The following TACR1 variants were observed in gnomAD, a reference collection of about 807,000 sequenced individuals.
TACR1 encodes substance-P receptor.
Under a neutral mutation model 35.8 loss-of-function variants are expected in TACR1, and 25 were observed. The ratio of observed to expected loss-of-function variants is 0.70; its 90% confidence interval spans 0.51 to 0.98. TACR1 has a LOEUF of 0.98. Ranked by LOEUF, TACR1 falls within the 50% of genes least tolerant of loss-of-function variation. The pLI is 0.00. For missense variants in TACR1, 478 were observed against 522.9 expected (o/e 0.91, Z 0.84); for synonymous variants, 195 against 206.7 (o/e 0.94, Z 0.48).
intron 1 of TACR1, among the ~76,000 whole-genome samples, chr2:75,121,172 AG>A (rs1673964670): frequency 6.6e-6 from 1 of 152,242 alleles, no homozygotes; most frequent in African/African-American, 2.4e-5. Flanking sequence ...TGATCAGAAT[AG>A]TACTTTTTTT....
Position 75,051,351 on chromosome 2 carries a change from A to T in TACR1, c.832T>A (p.Tyr278Asn). The T allele has an allele frequency of 6.2e-7, 1 of 1,614,130 alleles. No individual in the cohort carries two copies. The highest frequency in any genetic ancestry group is 1.1e-5 in the South Asian group (1 of 91,080). The change falls in exon 4 of 5, where the codon TAC (tyrosine) becomes AAC (asparagine). Residue 278 changes from tyrosine to asparagine, a missense_variant. Coordinates refer to ENST00000305249, the MANE Select transcript of TACR1 (RefSeq NM_001058.4). Reference sequence around the variant, plus strand: ...ACCTGCTGGATAAACTTCTTCAGGTAGAGATCTGGGTTGATGTAGGGCAGG... The same window carrying T: ...ACCTGCTGGATAAACTTCTTCAGGTTGAGATCTGGGTTGATGTAGGGCAGG... ...FLLPYINPDL[Y>N]LKKFIQQVYL... is the part of the protein sequence containing the mutation.
rs563961822 is a variant in TACR1 at position 75,049,669 on chromosome 2, G to A, written c.987C>T (p.Gly329=). 39 of 1,613,946 alleles carry A rather than the reference G, an allele frequency of 2.4e-5. No individual in the cohort carries two copies. The highest frequency in any genetic ancestry group is 5.0e-5 in the Admixed American group (3 of 59,998). Residue 329 remains glycine (G), a synonymous_variant, in exon 5 of 5, where the codon GGC becomes GGT. Coordinates refer to ENST00000305249, the MANE Select transcript of TACR1 (RefSeq NM_001058.4). ...ATTTCATTTCCAGCCCCTCATAGTC[G>A]CCGGCGCTGATGAAGGGGCAGCACC... is the stretch of plus-strand genomic sequence containing the variant. The part of the protein sequence containing the change: ...AFRCCPFISA[G]DYEGLEMKST...
At chr2:75,171,651 C>T (rs1171791320) in intron 1 of TACR1, among the ~76,000 whole-genome samples, 2 of 152,216 alleles carry the variant, frequency 1.3e-5, no homozygotes, top group Non-Finnish European at 2.9e-5. Flanking sequence ...CAGAGCTGCC[C>T]AAGACCATGG....
intron 1 of TACR1, among the ~76,000 whole-genome samples, chr2:75,172,838 A>T (rs760545284): frequency 1.1e-4 from 16 of 152,064 alleles, no homozygotes; most frequent in Non-Finnish European, 2.1e-4. Flanking sequence ...GCAGGGAAGG[A>T]TTTATTCAGA....
rs373908973 is a variant in TACR1, at chr2:75,067,469, T to C, written c.585-13714A>G. On this transcript the variant is annotated intron_variant, in intron 2 of 4. Transcript: ENST00000305249. ...TATTTTGTACTAGGTGCTGAGGATA[T>C]AATGGTGAATAGAAACGACATGGTC... Among the ~76,000 whole-genome samples the C allele has an allele frequency of 2.6e-5, 4 of 152,132 alleles. No homozygotes were observed. In the East Asian group the frequency reaches 5.8e-4, roughly 22 times the overall value.
At chr2:75,126,926 C>A (rs1270483279) in intron 1 of TACR1, among the ~76,000 whole-genome samples, 1 of 152,160 alleles carries the variant, frequency 6.6e-6, no homozygotes, top group African/African-American at 2.4e-5. Flanking sequence ...AAATGCAAAT[C>A]AAAACCTCAC....
intron 2 of TACR1, among the ~76,000 whole-genome samples, chr2:75,095,296 C>T (rs962782100): frequency 4.6e-5 from 7 of 152,088 alleles, no homozygotes; most frequent in African/African-American, 1.7e-4. Flanking sequence ...TTTTAATTTT[C>T]GTGGCTGTAA....
chr2:75,092,500 T>C (rs927558167), intron 2 of TACR1, among the ~76,000 whole-genome samples: 1 of 152,138 alleles, frequency 6.6e-6, no homozygotes, highest in Non-Finnish European at 1.5e-5. Context: ...CTTAGAAGAA[T>C]GATTCAGAGA....
At chr2:75,113,532 C>CCTTTTTTTT (rs1673791802) in intron 2 of TACR1, among the ~76,000 whole-genome samples, 2 of 92,084 alleles carry the variant, frequency 2.2e-5, no homozygotes, top group African/African-American at 8.9e-5. Flanking sequence ...TTTCTTCTTC[C>CCTTTTTTTT]TTTTTTTTTT....
Position 75,097,358 on chromosome 2 carries a change from G to A in TACR1, c.584+23216C>T, listed in dbSNP as rs377574773. On this transcript the variant is annotated intron_variant, in intron 2 of 4. Coordinates refer to ENST00000305249, the MANE Select transcript of TACR1 (RefSeq NM_001058.4). ...GATCCTTTCCCACTCTGGGTTTTCA[G>A]CAACACCATTTCTTCATTAGTTTTT... Among the ~76,000 whole-genome samples the A allele has an allele frequency of 6.1e-5, 9 of 148,546 alleles. 1 individual carries two copies. The highest frequency in any genetic ancestry group is 2.2e-4 in the African/African-American group (9 of 40,142).
At chr2:75,172,687 C>T (rs192783108) in intron 1 of TACR1, among the ~76,000 whole-genome samples, 1 of 152,268 alleles carries the variant, frequency 6.6e-6, no homozygotes, top group Admixed American at 6.5e-5. Flanking sequence ...TGACTTGCCC[C>T]AGCATCTGCA....
chr2:75,100,111 A>G (rs1307354427), intron 2 of TACR1, among the ~76,000 whole-genome samples: 1 of 152,104 alleles, frequency 6.6e-6, no homozygotes, highest in Admixed American at 6.6e-5. Flanking sequence ...CACACTCCAC[A>G]TAGCCATGCT....
chr2:75,092,896 A>G (rs1673337687), intron 2 of TACR1, among the ~76,000 whole-genome samples: 1 of 152,216 alleles, frequency 6.6e-6, no homozygotes, highest in African/African-American at 2.4e-5. Context: ...GAGAGTTGCA[A>G]AGATACGGAG....
intron 1 of TACR1, among the ~76,000 whole-genome samples, chr2:75,129,291 G>A (rs1329987865): frequency 6.6e-6 from 1 of 152,128 alleles, no homozygotes; most frequent in Non-Finnish European, 1.5e-5. Flanking sequence ...GTCCTCTCTG[G>A]TAAGCTAGTT....
intron 1 of TACR1, among the ~76,000 whole-genome samples, chr2:75,166,207 G>C (rs1267631578): frequency 6.6e-6 from 1 of 152,038 alleles, no homozygotes; most frequent in Non-Finnish European, 1.5e-5. Flanking sequence ...AGAAAAACGT[G>C]GTCATCTGGA....
intron 1 of TACR1, among the ~76,000 whole-genome samples, chr2:75,197,355 A>C (rs1418611277): frequency 6.6e-6 from 1 of 152,230 alleles, no homozygotes; most frequent in East Asian, 1.9e-4. Flanking sequence ...CTTTATGCAA[A>C]GAGGGTTAGT....
intron 2 of TACR1, among the ~76,000 whole-genome samples, chr2:75,097,589 C>T (rs930839160): frequency 4.6e-5 from 7 of 152,296 alleles, no homozygotes; most frequent in Non-Finnish European, 8.8e-5. Flanking sequence ...AGAGTCATCA[C>T]AGAAGACTGT....
chr2:75,143,325 T>G (rs948547821), intron 1 of TACR1, among the ~76,000 whole-genome samples: 6 of 152,264 alleles, frequency 3.9e-5, no homozygotes, highest in Admixed American at 6.5e-5. Context: ...TCAAAAACAT[T>G]ACTTTAGAAC....
chr2:75,058,601 C>A (rs1672615499), intron 2 of TACR1, among the ~76,000 whole-genome samples: 1 of 152,180 alleles, frequency 6.6e-6, no homozygotes, highest in South Asian at 2.1e-4. Context: ...CTGAGAGAAC[C>A]CAGCACCATG....
Sources: gnomAD v4.1 joint callset for allele counts (sites outside exome capture counted in the v4.1 genomes callset) on GRCh38, gnomAD v4.1.1 for gene constraint, MANE v1.5 for transcripts, NCBI Gene and HGNC (gene_info 2026-07-23, HGNC 2026-07-21) for gene names.